Variants in SLCO2B1 observed in about 807,000 individuals in gnomAD.
SLCO2B1 encodes solute carrier organic anion transporter family member 2B1, also known as OATP-RP2.
Under a neutral mutation model 67.3 loss-of-function variants are expected in SLCO2B1, and 41 were observed. That is an observed-to-expected ratio of 0.61 (90% confidence interval 0.47 to 0.79). The LOEUF is 0.79. Ranked by LOEUF, SLCO2B1 falls within the 30% of genes least tolerant of loss-of-function variation. The probability of loss-of-function intolerance (pLI) is 0.00; values close to 1 mark genes in which losing one functional copy is unlikely to be tolerated. For synonymous variants in SLCO2B1, 379 were observed against 381.4 expected, an observed-to-expected ratio of 0.99 and a Z score of 0.07; for missense variants, 837 against 920.1, an observed-to-expected ratio of 0.91 and a Z score of 1.17.
chr11:75,156,791 G>A (rs1029760566), intron 1 of SLCO2B1, among the ~76,000 whole-genome samples: 29 of 152,178 alleles, frequency 1.9e-4, no homozygotes, highest in African/African-American at 7.0e-4. Context: ...AACAAGGGGT[G>A]GATTATTCAT....
At chr11:75,164,478 A>G (rs899752111) in intron 3 of SLCO2B1, among the ~76,000 whole-genome samples, 1 of 152,174 alleles carries the variant, frequency 6.6e-6, no homozygotes, top group African/African-American at 2.4e-5. Flanking sequence ...TCAAGAGCAG[A>G]ACCTCTGGGC....
At position 75,165,885 on chromosome 11, in the gene SLCO2B1, G is replaced by A. The variant is rs200173260; in HGVS notation, c.384G>A (p.Ala128=). ...IGYGAILVAL[A]GLLMTLPHFI... is the part of the protein sequence containing the mutation. ...ATGGGGCTATCCTTGTGGCCCTGGC[G>A]GGCCTGCTCATGACTCTCCCGCACT... The change falls in exon 4 of 14, where the codon GCG becomes GCA. Residue 128 remains alanine (A), a synonymous_variant. Transcript: ENST00000289575. 68 of 1,614,186 alleles carry A rather than the reference G, an allele frequency of 4.2e-5. No homozygotes were observed. The Admixed American group carries it at 9.3e-4, about 22-fold the overall frequency.
In SLCO2B1 at chr11:75,193,324, G is replaced by A. The variant is rs761990502; in HGVS notation, c.1182G>A (p.Leu394=). Residue 394 remains leucine, a synonymous_variant, in exon 9 of 14, where the codon CTG becomes CTA. Coordinates refer to ENST00000289575, the MANE Select transcript of SLCO2B1 (RefSeq NM_007256.5). This position sits in a 1 kb window ranked among gnomAD's most constrained non-coding sequence, Gnocchi z 4.2. ...TGGCTGCGGGCATGGCCACCTTCCTGCCCAAGTTCCTGGAGCGCCAGTTTT... is the reference window on the plus strand; with the variant it reads ...TGGCTGCGGGCATGGCCACCTTCCTACCCAAGTTCCTGGAGCGCCAGTTTT... ...SSMAAGMATF[L]PKFLERQFSI... 4 of 1,613,954 alleles carry A rather than the reference G, an allele frequency of 2.5e-6. No individual in the cohort carries two copies. Among genetic ancestry groups the A allele is most frequent in the South Asian group, 1.1e-5 (1 of 91,090 alleles).
intron 11 of SLCO2B1, 68 bp downstream of exon 11, chr11:75,200,455 A>G: frequency 6.8e-7 from 1 of 1,471,348 alleles, no homozygotes; most frequent in Non-Finnish European, 9.1e-7. Flanking sequence ...AGAACAAGGA[A>G]TTCCAAGGAC....
intron 7 of SLCO2B1, among the ~76,000 whole-genome samples, chr11:75,178,223 C>T (rs960577555): frequency 1.3e-5 from 2 of 152,136 alleles, no homozygotes; most frequent in Admixed American, 6.5e-5. Context: ...CCCCACCATA[C>T]CAGCCAGGCT....
chr11:75,172,166 T>C (rs1372886049), intron 6 of SLCO2B1, among the ~76,000 whole-genome samples: 3 of 152,176 alleles, frequency 2.0e-5, no homozygotes, highest in Non-Finnish European at 4.4e-5. Flanking sequence ...CACTGCACTA[T>C]ACTGCCTTGG....
chr11:75,203,147 C>A (rs144130989), intron 12 of SLCO2B1, 160 bp from the exon 13 acceptor site: 2 of 1,206,890 alleles, frequency 1.7e-6, no homozygotes, highest in East Asian at 2.4e-5. Flanking sequence ...TCTAGACAGC[C>A]CGTCAGGAAG....
intron 2 of SLCO2B1, among the ~76,000 whole-genome samples, chr11:75,163,387 GT>G (rs1397642453): frequency 2.0e-5 from 3 of 152,114 alleles, no homozygotes; most frequent in Admixed American, 6.5e-5. Context: ...CTCCAGGCAG[GT>G]TGCGATGTTT....
At chr11:75,168,669 T>C (rs1949922281) in intron 4 of SLCO2B1, among the ~76,000 whole-genome samples, 1 of 152,224 alleles carries the variant, frequency 6.6e-6, no homozygotes, top group East Asian at 1.9e-4. Context: ...GCCCTGGCCT[T>C]GCCCTCATAC....
intron 3 of SLCO2B1, among the ~76,000 whole-genome samples, chr11:75,165,159 C>T (rs571207076): frequency 6.6e-6 from 1 of 152,162 alleles, no homozygotes; most frequent in East Asian, 1.9e-4. Flanking sequence ...GGGCCAGGCA[C>T]GGTGGCTCAT....
Position 75,204,471 on chromosome 11 carries a change from G to A in SLCO2B1, c.2021G>A (p.Arg674Lys), listed in dbSNP as rs779783177. ...TTCGCCTTAGTTTTGGCTGTCCTGA[G>A]GCAGCAGGACAAAGAGGCAAGGACC... ...ICFALVLAVL[R>K]QQDKEARTKE... The change falls in exon 14 of 14, where the codon AGG (arginine) becomes AAG (lysine). Residue 674 changes from arginine to lysine, a missense_variant. Physicochemically the swap from Arg to Lys is conservative, Grantham distance 26. Transcript: ENST00000289575. 7 of 1,613,354 alleles carry A rather than the reference G, an allele frequency of 4.3e-6. No homozygotes were observed. In the Middle Eastern group the frequency reaches 8.2e-4, roughly 190 times the overall value.
intron 3 of SLCO2B1, among the ~76,000 whole-genome samples, chr11:75,165,521 C>T (rs780802284): frequency 2.6e-5 from 4 of 152,150 alleles, no homozygotes; most frequent in Admixed American, 6.5e-5. Flanking sequence ...TTTGATGGCC[C>T]ATCCTTCCCC....
chr11:75,163,056 C>A, intron 2 of SLCO2B1: 1 of 279,072 alleles, frequency 3.6e-6, no homozygotes, highest in South Asian at 6.1e-5. Context: ...TCCCACTTTC[C>A]CAGAGAAACA....
chr11:75,182,758 A>G (rs1390807476), intron 7 of SLCO2B1, among the ~76,000 whole-genome samples: 1 of 152,072 alleles, frequency 6.6e-6, no homozygotes, highest in Admixed American at 6.6e-5. Flanking sequence ...AAAAAGTGCA[A>G]TGTAGACCAA....
At chr11:75,170,274 T>C (rs1477735878) in intron 6 of SLCO2B1, among the ~76,000 whole-genome samples, 2 of 152,234 alleles carry the variant, frequency 1.3e-5, no homozygotes, top group Non-Finnish European at 2.9e-5. Flanking sequence ...ACATTTACTG[T>C]GACCTCTAAG....
At position 75,193,664 on chromosome 11, in the gene SLCO2B1, C is replaced by A. The variant is rs951659463; in HGVS notation, c.1433+89C>A. 1.7e-6 allele frequency: 2 copies of A among 1,178,426 alleles called. No individual in the cohort carries two copies. The highest frequency in any genetic ancestry group is 2.4e-5 in the East Asian group (1 of 41,934). The allele number at this position is 1,178,426 out of a possible 1,614,324, so 73.0% of individuals were successfully genotyped here. ...CTGGGCAGAGGCCAGGATGGCAGGG[C>A]AACCCCTGCCTCAAATCTTGCCTCC... On this transcript the variant is annotated intron_variant, in intron 9 of 13. Transcript: ENST00000289575. The surrounding 1 kb of genome is among the most constrained non-coding windows in gnomAD (Gnocchi z 4.2).
In SLCO2B1 at chr11:75,204,826, C is replaced by A; in HGVS notation, c.*246C>A. 3.1e-6 allele frequency: 1 copy of A among 324,318 alleles called. No homozygotes were observed. The highest frequency in any genetic ancestry group is 4.9e-5 in the Admixed American group (1 of 20,220). 20.1% of individuals were successfully genotyped at this position (324,318 alleles called of 1,614,324 possible). A position where few individuals can be genotyped will look rare whatever the true frequency, so the allele number is the denominator to read the frequency against. On this transcript the variant is annotated 3_prime_UTR_variant, in exon 14 of 14. Transcript: ENST00000289575. The stretch of plus-strand genomic sequence containing the variant: ...CAAGAGGGTCTTCTTCCTCCTTCCC[C>A]CAGCCAGCCAGCTGTCCTGGGGCCA...
intron 13 of SLCO2B1, chr11:75,203,718 G>A (rs1196401908): frequency 2.7e-5 from 10 of 367,710 alleles, no homozygotes; most frequent in South Asian, 2.6e-4. Flanking sequence ...AGAAACAGAG[G>A]AGCAGCCATG....
chr11:75,191,720 A>AGT (rs1284133858), intron 8 of SLCO2B1, among the ~76,000 whole-genome samples: 2 of 152,136 alleles, frequency 1.3e-5, no homozygotes, highest in Non-Finnish European at 2.9e-5. Flanking sequence ...CAGCCGGGCA[A>AGT]GTGTTTTGCT....
Sources: allele counts gnomAD v4.1 joint callset (sites outside exome capture counted in the v4.1 genomes callset), GRCh38; gene constraint gnomAD v4.1.1; non-coding constraint Gnocchi (gnomAD v3.1); transcripts MANE v1.5; gene names NCBI Gene and HGNC (gene_info 2026-07-23, HGNC 2026-07-21).